The following P3H2 variants were observed in gnomAD, a reference collection of about 807,000 sequenced individuals.
P3H2 encodes leprecan-like 1.
Under a neutral mutation model 87.0 loss-of-function variants are expected in P3H2, and 80 were observed. That is an observed-to-expected ratio of 0.92 (90% CI 0.77 to 1.11). P3H2 has a LOEUF of 1.11. Ranked by LOEUF, P3H2 falls within the 50% of genes least tolerant of loss-of-function variation. The pLI is 0.00. For missense variants in P3H2, 1,001 were observed against 923.9 expected, an observed-to-expected ratio of 1.08 and a Z score of -1.08; for synonymous variants, 367 against 359.3, an observed-to-expected ratio of 1.02 and a Z score of -0.24.
intron 14 of P3H2, among the ~76,000 whole-genome samples, chr3:189,960,075 T>C (rs10433488): frequency 0.07 from 10,702 of 152,178 alleles, 978 homozygotes; most frequent in East Asian, 0.32. Context: ...TGTTTCTTGG[T>C]GACTCCAAAC....
chr3:190,079,614 C>CAA (rs1204680925), intron 1 of P3H2, among the ~76,000 whole-genome samples: 3 of 152,274 alleles, frequency 2.0e-5, no homozygotes, highest in Admixed American at 2.0e-4. Flanking sequence ...TCCCAAAACA[C>CAA]AGAGACACTG....
intron 1 of P3H2, among the ~76,000 whole-genome samples, chr3:190,003,566 C>G (rs1168724907): frequency 6.6e-6 from 1 of 151,648 alleles, no homozygotes; most frequent in Non-Finnish European, 1.5e-5. Flanking sequence ...CAAAATCGCT[C>G]AAGTCATCTG....
At chr3:190,104,327 G>A (rs182829072) in intron 1 of P3H2, among the ~76,000 whole-genome samples, 3 of 152,170 alleles carry the variant, frequency 2.0e-5, no homozygotes, top group East Asian at 1.9e-4. Flanking sequence ...TATGTCAGCT[G>A]GTCCGAGACA....
chr3:189,979,954 T>C (rs537361769), intron 8 of P3H2, among the ~76,000 whole-genome samples: 1 of 151,226 alleles, frequency 6.6e-6, no homozygotes, highest in African/African-American at 2.4e-5. Context: ...GGTGACAGAG[T>C]GAGACTCTTG....
intron 1 of P3H2, among the ~76,000 whole-genome samples, chr3:190,030,156 G>T (rs905654015): frequency 6.6e-6 from 1 of 151,930 alleles, no homozygotes; most frequent in Non-Finnish European, 1.5e-5. Context: ...AATGAGAAAA[G>T]ATAATATCTA....
chr3:190,081,939 C>G (rs1400423579), intron 1 of P3H2, among the ~76,000 whole-genome samples: 1 of 152,130 alleles, frequency 6.6e-6, no homozygotes, highest in Non-Finnish European at 1.5e-5. Context: ...GCTGTACATG[C>G]TAAACATGGT....
intron 1 of P3H2, among the ~76,000 whole-genome samples, chr3:190,063,971 G>T (rs1232107872): frequency 6.8e-6 from 1 of 147,566 alleles, no homozygotes; most frequent in African/African-American, 2.5e-5. Context: ...AAACATTTAA[G>T]AAATCATTTT....
At chr3:189,974,995 T>C (rs1429532288) in intron 8 of P3H2, among the ~76,000 whole-genome samples, 1 of 152,164 alleles carries the variant, frequency 6.6e-6, no homozygotes, top group Non-Finnish European at 1.5e-5. Context: ...CTCATAGGAC[T>C]CTCTTCTGAG....
intron 1 of P3H2, among the ~76,000 whole-genome samples, chr3:190,054,187 T>C (rs78093181): frequency 0.02 from 3,032 of 152,320 alleles, 110 homozygotes; most frequent in African/African-American, 0.07. Flanking sequence ...TATAGTTTAT[T>C]TTCTAAATGC....
At chr3:190,098,015 A>C (rs1481464385) in intron 1 of P3H2, among the ~76,000 whole-genome samples, 1 of 152,246 alleles carries the variant, frequency 6.6e-6, no homozygotes, top group Admixed American at 6.5e-5. Context: ...TTAAAGTAAA[A>C]ATAAGCAATT....
chr3:190,070,755 G>A lies in P3H2; in HGVS notation c.480+49497C>T, dbSNP rs191835140. Among the ~76,000 whole-genome samples the A allele has an allele frequency of 3.2e-4, 49 of 152,230 alleles. 1 individual carries two copies. The highest frequency in any genetic ancestry group is 2.4e-3 in the Admixed American group (37 of 15,290). On this transcript the variant is annotated intron_variant, in intron 1 of 14. Coordinates refer to ENST00000319332, the MANE Select transcript of P3H2 (RefSeq NM_018192.4). Reference sequence around the variant, plus strand: ...AAACAACACATTGTCTGCCTGAAACGGGAATTTCCATGACCTCAAACTTGC... The same window carrying A: ...AAACAACACATTGTCTGCCTGAAACAGGAATTTCCATGACCTCAAACTTGC...
intron 1 of P3H2, among the ~76,000 whole-genome samples, chr3:190,041,051 C>T (rs865892299): frequency 0.13 from 3,645 of 29,080 alleles, 345 homozygotes; most frequent in Admixed American, 0.21. Context: ...CACACACACA[C>T]ACACACACAC....
At chr3:190,032,275 G>A (rs1725278583) in intron 1 of P3H2, among the ~76,000 whole-genome samples, 1 of 151,930 alleles carries the variant, frequency 6.6e-6, no homozygotes, top group Non-Finnish European at 1.5e-5. Flanking sequence ...CTATATTTCT[G>A]TAGGTGTGTT....
intron 1 of P3H2, among the ~76,000 whole-genome samples, chr3:190,082,125 G>A (rs561246903): frequency 1.3e-5 from 2 of 152,134 alleles, no homozygotes; most frequent in Non-Finnish European, 1.5e-5. Context: ...GCTTGGTGGT[G>A]AGTGTCTGTA....
At chr3:189,986,218 C>T (rs1309551610) in intron 6 of P3H2, among the ~76,000 whole-genome samples, 1 of 152,120 alleles carries the variant, frequency 6.6e-6, no homozygotes, top group Non-Finnish European at 1.5e-5. Context: ...ATACTTTTAC[C>T]CAATAGATTT....
chr3:190,011,886 A>G (rs1345834034), intron 1 of P3H2, among the ~76,000 whole-genome samples: 1 of 152,230 alleles, frequency 6.6e-6, no homozygotes, highest in Non-Finnish European at 1.5e-5. Context: ...AATTCACTAG[A>G]AAAATGTTAT....
intron 13 of P3H2, among the ~76,000 whole-genome samples, chr3:189,970,191 A>ATATATATATATATATAT (rs1723130514): frequency 3.7e-5 from 2 of 53,980 alleles, no homozygotes; most frequent in African/African-American, 1.5e-4. Flanking sequence ...TATATATGCA[A>ATATATATATATATATAT]ATATATATAT....
At chr3:190,062,479 A>G (rs1434463787) in intron 1 of P3H2, among the ~76,000 whole-genome samples, 2 of 152,184 alleles carry the variant, frequency 1.3e-5, no homozygotes, top group South Asian at 2.1e-4. Context: ...ACTAGCTCTA[A>G]TAACTAAAAC....
intron 3 of P3H2, among the ~76,000 whole-genome samples, chr3:189,990,309 G>A (rs2108921133): frequency 6.6e-6 from 1 of 152,284 alleles, no homozygotes; most frequent in Non-Finnish European, 1.5e-5. Flanking sequence ...TGATTAGCAT[G>A]TTAGAAATAA....
Sources: allele counts gnomAD v4.1 joint callset (sites outside exome capture counted in the v4.1 genomes callset), GRCh38; gene constraint gnomAD v4.1.1; transcripts MANE v1.5; gene names NCBI Gene and HGNC (gene_info 2026-07-23, HGNC 2026-07-21).